Variants in FEZ2 observed in about 807,000 individuals in gnomAD.
The protein encoded by FEZ2 is fasciculation and elongation protein zeta-2.
A neutral mutation model predicts 40.4 loss-of-function variants in FEZ2; 51 were observed. The observed-to-expected ratio is 1.26, with a 90% confidence interval of 1.01 to 1.59. The LOEUF (loss-of-function observed/expected upper bound fraction) is 1.59, where lower values mean the gene tolerates loss of function less well. Among genes scored for constraint, FEZ2 ranks in the 40% most tolerant of loss-of-function variants. The probability of loss-of-function intolerance (pLI) is 0.00; values close to 1 mark genes in which losing one functional copy is unlikely to be tolerated. For synonymous variants in FEZ2, 242 were observed against 172.0 expected, an observed-to-expected ratio of 1.41 and a Z score of -3.18; for missense variants, 640 against 438.3, an observed-to-expected ratio of 1.46 and a Z score of -4.11.
At chr2:36,591,256 C>T (rs1573032471) in intron 1 of FEZ2, 1 of 502,242 alleles carries the variant, frequency 2.0e-6, no homozygotes, top group South Asian at 2.3e-5. Context: ...TGCCAATAGG[C>T]AGTAGGCAAC....
At chr2:36,554,810 A>C (rs1341883786) in intron 7 of FEZ2, among the ~76,000 whole-genome samples, 2 of 152,140 alleles carry the variant, frequency 1.3e-5, no homozygotes, top group African/African-American at 2.4e-5. Flanking sequence ...AGAGGTTTCT[A>C]ATGTCTCAGA....
At chr2:36,574,740 A>G (rs568996037) in intron 5 of FEZ2, among the ~76,000 whole-genome samples, 1 of 152,328 alleles carries the variant, frequency 6.6e-6, no homozygotes, top group South Asian at 2.1e-4. Flanking sequence ...GTCACCCAAA[A>G]CAGCATGGTC....
chr2:36,591,083 A>C, intron 1 of FEZ2, 72 bp from the exon 2 acceptor site: 1 of 892,242 alleles, frequency 1.1e-6, no homozygotes, highest in South Asian at 1.4e-5. Context: ...ATATTCAGTG[A>C]AAGATGAACA....
At position 36,562,497 on chromosome 2, in the gene FEZ2, T is replaced by G. The variant is rs866719429; in HGVS notation, c.904-3984A>C. 3.3e-5 allele frequency among the ~76,000 whole-genome samples: 5 copies of G among 152,192 alleles called. No homozygotes were observed. The South Asian group carries it at 1.0e-3, about 32-fold the overall frequency. On this transcript the variant is annotated intron_variant, in intron 5 of 7. Coordinates refer to ENST00000405912, the MANE Select transcript of FEZ2 (RefSeq NM_005102.3). ...GACTGTACAAATATGCCTCTCCTCCTAAACCATCCAACTTCCCTACCTAGC... is the reference window on the plus strand; with the variant it reads ...GACTGTACAAATATGCCTCTCCTCCGAAACCATCCAACTTCCCTACCTAGC...
At chr2:36,571,508 T>C (rs1321308787) in intron 5 of FEZ2, among the ~76,000 whole-genome samples, 1 of 149,130 alleles carries the variant, frequency 6.7e-6, no homozygotes, top group East Asian at 2.0e-4. Flanking sequence ...TAAAAAAAAT[T>C]AGCCGAGTGT....
chr2:36,586,462 C>T (rs183429678), intron 2 of FEZ2, among the ~76,000 whole-genome samples: 1 of 151,980 alleles, frequency 6.6e-6, no homozygotes, highest in Non-Finnish European at 1.5e-5. Flanking sequence ...TGGTGAAACC[C>T]CATTGCTACA....
intron 5 of FEZ2, 189 bp from the exon 6 acceptor site, chr2:36,558,702 C>T (rs1294749763): frequency 2.6e-6 from 1 of 387,404 alleles, no homozygotes; most frequent in Admixed American, 4.2e-5. Context: ...TTTTTGCCCA[C>T]CTCTATTTGC....
At chr2:36,566,095 T>G (rs930971387) in intron 5 of FEZ2, among the ~76,000 whole-genome samples, 1 of 152,172 alleles carries the variant, frequency 6.6e-6, no homozygotes, top group Non-Finnish European at 1.5e-5. Context: ...GTGGATCAAT[T>G]AATGTTTGCC....
chr2:36,592,328 C>A (rs557925673), intron 1 of FEZ2, among the ~76,000 whole-genome samples: 142 of 152,164 alleles, frequency 9.3e-4, no homozygotes, highest in South Asian at 3.3e-3. Flanking sequence ...GTTTGTTACA[C>A]AGGCAAACAT....
At chr2:36,578,571 G>T in intron 5 of FEZ2, 26 bp downstream of exon 5, 1 of 1,596,526 alleles carries the variant, frequency 6.3e-7, no homozygotes, top group South Asian at 1.1e-5. Flanking sequence ...TCCAGTGTTC[G>T]ACGCCTCCTG....
At chr2:36,596,369 GC>G in intron 1 of FEZ2, among the ~76,000 whole-genome samples, 1 of 152,174 alleles carries the variant, frequency 6.6e-6, no homozygotes, top group Non-Finnish European at 1.5e-5. Context: ...TCCTTTCCGT[GC>G]CCGTGACTCC....
At position 36,598,091 on chromosome 2, in the gene FEZ2, G is replaced by T; in HGVS notation, c.52C>A (p.Arg18=). The T allele has an allele frequency of 6.8e-7, 1 of 1,477,650 alleles. No homozygotes were observed. The highest frequency in any genetic ancestry group is 8.9e-7 in the Non-Finnish European group (1 of 1,126,144). The allele number at this position is 1,477,650 out of a possible 1,614,324, so 91.5% of individuals were successfully genotyped here. The stretch of plus-strand genomic sequence containing the variant: ...CAGTTCTCCTGGTCCAGGAGGCTCC[G>T]GGCCGGCTCCTGGAACTCATAGAAA... ...QDFYEFQEPA[R]SLLDQENCNA... The change falls in exon 1 of 8, where the codon CGG becomes AGG. Residue 18 remains arginine (R), a synonymous_variant. Coordinates refer to ENST00000405912, the MANE Select transcript of FEZ2 (RefSeq NM_005102.3).
At chr2:36,584,846 G>C (rs138802281) in intron 2 of FEZ2, among the ~76,000 whole-genome samples, 1 of 152,196 alleles carries the variant, frequency 6.6e-6, no homozygotes, top group African/African-American at 2.4e-5. Context: ...AAACCTGCAC[G>C]TGAGAAGGGC....
chr2:36,576,563 G>A (rs751171626), intron 5 of FEZ2, among the ~76,000 whole-genome samples: 8 of 152,174 alleles, frequency 5.3e-5, no homozygotes, highest in East Asian at 1.9e-4. Flanking sequence ...GAGCCACCGC[G>A]CCCGGCCGCA....
At chr2:36,594,641 G>A (rs1669161366) in intron 1 of FEZ2, 1 of 152,986 alleles carries the variant, frequency 6.5e-6, no homozygotes, top group Non-Finnish European at 1.5e-5. Flanking sequence ...GGAATTCTGG[G>A]AGATACAATT....
intron 5 of FEZ2, among the ~76,000 whole-genome samples, chr2:36,559,900 G>C (rs1668048640): frequency 6.6e-6 from 1 of 152,220 alleles, no homozygotes; most frequent in African/African-American, 2.4e-5. Context: ...GCAAATGTCA[G>C]TGTGAGGCTT....
intron 2 of FEZ2, among the ~76,000 whole-genome samples, chr2:36,585,543 T>C (rs1249684772): frequency 6.6e-6 from 1 of 152,142 alleles, no homozygotes; most frequent in African/African-American, 2.4e-5. Context: ...ATAGATTACC[T>C]AGTGCGGTCC....
At chr2:36,563,975 C>A (rs1477506728) in intron 5 of FEZ2, among the ~76,000 whole-genome samples, 1 of 152,194 alleles carries the variant, frequency 6.6e-6, no homozygotes, top group African/African-American at 2.4e-5. Flanking sequence ...TTTCTTGACT[C>A]ACCTCTCAGA....
At position 36,570,398 on chromosome 2, in the gene FEZ2, T is replaced by C. The variant is rs192605882; in HGVS notation, c.903+8199A>G. ...ATAATTTAATTTTTATCTTTGAAGA[T>C]CTTTTTAAAATTTTTTATGTAACTT... On this transcript the variant is annotated intron_variant, in intron 5 of 7. Coordinates refer to ENST00000405912, the MANE Select transcript of FEZ2 (RefSeq NM_005102.3). 2.8e-3 allele frequency among the ~76,000 whole-genome samples: 428 copies of C among 152,302 alleles called. No homozygotes were observed. The Middle Eastern group carries it at 0.045, about 16-fold the overall frequency.
Sources: gnomAD v4.1 joint callset for allele counts (sites outside exome capture counted in the v4.1 genomes callset) on GRCh38, gnomAD v4.1.1 for gene constraint, MANE v1.5 for transcripts, NCBI Gene and HGNC (gene_info 2026-07-23, HGNC 2026-07-21) for gene names.